The following SAG variants were observed in gnomAD, a reference collection of about 807,000 sequenced individuals.
SAG encodes the protein S-antigen visual arrestin.
In SAG, 45 loss-of-function variants were observed where a neutral mutation model predicts 55.0. The observed-to-expected ratio is 0.82, with a 90% confidence interval of 0.64 to 1.05. The LOEUF (loss-of-function observed/expected upper bound fraction) is 1.05, where lower values mean the gene tolerates loss of function less well. Ranked by LOEUF, SAG falls within the 50% of genes least tolerant of loss-of-function variation. The pLI, the probability that SAG is intolerant of heterozygous loss-of-function variation, is 0.00. For missense variants in SAG, 455 were observed against 512.1 expected (o/e 0.89, Z 1.08); for synonymous variants, 189 against 197.4 (o/e 0.96, Z 0.36).
At chr2:233,339,583 T>C (rs893487226) in intron 12 of SAG, among the ~76,000 whole-genome samples, 1 of 149,838 alleles carries the variant, frequency 6.7e-6, no homozygotes, top group African/African-American at 2.5e-5. Flanking sequence ...TAAAAGGATC[T>C]AAAAACAGGG....
At chr2:233,334,806 C>T (rs117935654) in intron 10 of SAG, 156 bp from the exon 11 acceptor site, 1 of 764,402 alleles carries the variant, frequency 1.3e-6, no homozygotes. Flanking sequence ...CACTGTTCTG[C>T]TTCTCGTAAG....
At chr2:233,346,777 A>G (rs959438695) in intron 15 of SAG, 30 bp from the exon 16 acceptor site, 6 of 1,392,508 alleles carry the variant, frequency 4.3e-6, no homozygotes, top group South Asian at 1.2e-5. Context: ...AGGGCGTGCA[A>G]TGATCAAAAT....
chr2:233,315,879 T>C (rs952351291), intron 2 of SAG, among the ~76,000 whole-genome samples, 196 bp from the exon 3 acceptor site: 1 of 150,644 alleles, frequency 6.6e-6, no homozygotes, highest in African/African-American at 2.4e-5. Context: ...ATTTTTATAT[T>C]TTTTTTTAGT....
At chr2:233,326,901 T>G (rs1700575498) in intron 6 of SAG, among the ~76,000 whole-genome samples, 1 of 152,196 alleles carries the variant, frequency 6.6e-6, no homozygotes, top group Non-Finnish European at 1.5e-5. Context: ...ATCCCCTCCC[T>G]CTGGGGGCTT....
At position 233,320,637 on chromosome 2, in the gene SAG, C is replaced by T. The variant is rs1416958149; in HGVS notation, c.189C>T (p.Val63=). Residue 63 remains valine (V), a synonymous_variant, in exon 5 of 16, where the codon GTC becomes GTT. Transcript: ENST00000409110. ...PDLVKGKKVY[V]TLTCAFRYGQ... ...CCTTCATCTCCCTTGCAGTGTATGT[C>T]ACTCTGACCTGCGCCTTCCGCTATG... The T allele has an allele frequency of 1.3e-6, 2 of 1,593,256 alleles. No homozygotes were observed. Among genetic ancestry groups the T allele is most frequent in the African/African-American group, 2.7e-5 (2 of 74,346 alleles).
In SAG at chr2:233,340,389, A is replaced by T. The variant is rs1424907958; in HGVS notation, c.1023-66A>T. On this transcript the variant is annotated intron_variant, in intron 12 of 15. Coordinates refer to ENST00000409110, the MANE Select transcript of SAG (RefSeq NM_000541.5). This position sits in a 1 kb window ranked among gnomAD's most constrained non-coding sequence, Gnocchi z 4.2. Reference sequence around the variant, plus strand: ...AGAGCTGGGCTGTGTCCTGCCTCTGAATCATGGGAAAGGGTCGTGTTACCA... The same window carrying T: ...AGAGCTGGGCTGTGTCCTGCCTCTGTATCATGGGAAAGGGTCGTGTTACCA... 1.0e-5 allele frequency: 15 copies of T among 1,459,988 alleles called. No homozygotes were observed. The East Asian group carries it at 3.4e-4, about 33-fold the overall frequency. The allele number at this position is 1,459,988 out of a possible 1,614,324, so 90.4% of individuals were successfully genotyped here. A position where few individuals can be genotyped will look rare whatever the true frequency, so the allele number is the denominator to read the frequency against.
At chr2:233,337,130 G>A (rs1180767320) in intron 11 of SAG, among the ~76,000 whole-genome samples, 1 of 152,010 alleles carries the variant, frequency 6.6e-6, no homozygotes, top group Admixed American at 6.6e-5. Context: ...GCAAAGAGGG[G>A]GATCTCAAGC....
chr2:233,320,530 A>C, intron 4 of SAG, 100 bp from the exon 5 acceptor site: 1 of 873,942 alleles, frequency 1.1e-6, no homozygotes, highest in Non-Finnish European at 1.7e-6. Context: ...TCCCCTCCAG[A>C]TGCTAAAGGT....
intron 6 of SAG, 73 bp from the exon 7 acceptor site, chr2:233,327,048 G>A (rs982033405): frequency 2.0e-5 from 22 of 1,092,644 alleles, no homozygotes; most frequent in Admixed American, 1.4e-4. Context: ...CCCTGTGTGA[G>A]GTGTGGCCCT....
intron 11 of SAG, among the ~76,000 whole-genome samples, chr2:233,336,579 G>A: frequency 6.6e-6 from 1 of 151,580 alleles, no homozygotes; most frequent in East Asian, 1.9e-4. Context: ...CCTCCATGAG[G>A]AAGGTATATT....
chr2:233,321,605 G>T (rs892215870), intron 5 of SAG, among the ~76,000 whole-genome samples: 2 of 152,148 alleles, frequency 1.3e-5, no homozygotes, highest in Non-Finnish European at 2.9e-5. Context: ...AGGCTGGGGG[G>T]TTGGAGGATG....
At chr2:233,312,559 T>C (rs1372792658) in intron 2 of SAG, among the ~76,000 whole-genome samples, 2 of 152,222 alleles carry the variant, frequency 1.3e-5, no homozygotes, top group African/African-American at 4.8e-5. Context: ...AAATACTGTT[T>C]AATTCAAGTC....
At chr2:233,324,415 A>G (rs1051920169) in intron 6 of SAG, among the ~76,000 whole-genome samples, 2 of 152,138 alleles carry the variant, frequency 1.3e-5, no homozygotes, top group Non-Finnish European at 2.9e-5. Flanking sequence ...ACAACAAACA[A>G]AAAAAGTGGG....
intron 1 of SAG, among the ~76,000 whole-genome samples, 189 bp downstream of exon 1, chr2:233,308,211 G>A (rs570010501): frequency 9.2e-5 from 14 of 152,354 alleles, no homozygotes; most frequent in Non-Finnish European, 1.9e-4. Flanking sequence ...TATAGTCCCA[G>A]TGACTCAGGA....
At chr2:233,309,884 C>T (rs190851297) in intron 2 of SAG, among the ~76,000 whole-genome samples, 14 of 152,334 alleles carry the variant, frequency 9.2e-5, no homozygotes, top group African/African-American at 1.2e-4. Context: ...CCTTGACTTA[C>T]TATTTAAACA....
At chr2:233,318,943 C>T (rs1159539654) in intron 4 of SAG, 148 bp downstream of exon 4, 2 of 766,060 alleles carry the variant, frequency 2.6e-6, no homozygotes, top group Non-Finnish European at 2.4e-6. Context: ...GGCCCACTGA[C>T]CCACACTCCT....
intron 4 of SAG, chr2:233,319,000 C>T (rs765490200): frequency 1.1e-4 from 77 of 712,520 alleles, no homozygotes; most frequent in Non-Finnish European, 1.7e-4. Context: ...AGAGCTCACT[C>T]GCTCAGCAAA....
In SAG at chr2:233,346,769, G is replaced by A. The variant is rs765530382; in HGVS notation, c.1113-38G>A. 10 of 1,291,138 alleles carry A rather than the reference G, an allele frequency of 7.7e-6. No homozygotes were observed. In the South Asian group the frequency reaches 1.2e-4, roughly 16 times the overall value. The allele number at this position is 1,291,138 out of a possible 1,614,324, so 80.0% of individuals were successfully genotyped here. ...TCTTGTTTCAGTTTCAGCTTCAAAG[G>A]GCGTGCAATGATCAAAATGTTGTTT... On this transcript the variant is annotated intron_variant, in intron 15 of 15. Transcript: ENST00000409110.
At chr2:233,310,124 C>T (rs976092867) in intron 2 of SAG, among the ~76,000 whole-genome samples, 1 of 152,216 alleles carries the variant, frequency 6.6e-6, no homozygotes, top group African/African-American at 2.4e-5. Flanking sequence ...TCCAGGTGTG[C>T]CCATGAACTT....
Sources: gnomAD v4.1 joint callset for allele counts (sites outside exome capture counted in the v4.1 genomes callset) on GRCh38, gnomAD v4.1.1 for gene constraint, Gnocchi (gnomAD v3.1) non-coding constraint, MANE v1.5 for transcripts, NCBI Gene and HGNC (gene_info 2026-07-23, HGNC 2026-07-21) for gene names.